COPZ2: variants seen among roughly 807,000 people sequenced by gnomAD.
COPZ2 encodes coatomer subunit zeta-2.
In COPZ2, 30 loss-of-function variants were observed where a neutral mutation model predicts 33.2. The observed-to-expected ratio is 0.90, with a 90% confidence interval of 0.68 to 1.23. COPZ2 has a LOEUF of 1.23. COPZ2 is among the 50% of genes most tolerant of loss of function. The pLI is 0.00. For missense variants in COPZ2, 263 were observed against 262.4 expected (o/e 1.00, Z -0.02); for synonymous variants, 89 against 102.6 (o/e 0.87, Z 0.80).
chr17:48,041,534 T>C (rs1292745724), upstream of COPZ2, among the ~76,000 whole-genome samples: 1 of 152,170 alleles, frequency 6.6e-6, no homozygotes, highest in East Asian at 1.9e-4. Context: ...AAGCAGGCCA[T>C]GCAGACATCT....
the COPZ2 span, chr17:48,043,503 A>C: frequency 1.0e-6 from 1 of 985,140 alleles, no homozygotes; most frequent in Non-Finnish European, 1.2e-6. Flanking sequence ...GAGGCGTGGA[A>C]GTGTGTACTG....
intron 4 of COPZ2, 77 bp from the exon 5 acceptor site, chr17:48,032,818 C>A: frequency 8.3e-7 from 1 of 1,200,714 alleles, no homozygotes; most frequent in Non-Finnish European, 1.2e-6. Context: ...TGGAGCCCAC[C>A]TGTGCGGGCA....
chr17:48,031,755 C>T (rs548357544), intron 6 of COPZ2: 53 of 225,586 alleles, frequency 2.3e-4, no homozygotes, highest in African/African-American at 1.2e-3. Flanking sequence ...GGTCACGCAT[C>T]TAGCTTGTGT....
intron 8 of COPZ2, chr17:48,027,890 CT>C (rs1194326179): frequency 6.6e-6 from 1 of 152,352 alleles, no homozygotes; most frequent in Non-Finnish European, 1.5e-5. Context: ...GAACCTCCCC[CT>C]GGCCTTACGC....
At chr17:48,030,646 C>A (rs1472575328) in intron 6 of COPZ2, among the ~76,000 whole-genome samples, 1 of 152,228 alleles carries the variant, frequency 6.6e-6, no homozygotes, top group African/African-American at 2.4e-5. Flanking sequence ...GTCCTGTAAT[C>A]CATAAAGAAA....
chr17:48,038,497 A>C (rs1567744551), upstream of COPZ2, among the ~76,000 whole-genome samples: 1 of 152,226 alleles, frequency 6.6e-6, no homozygotes, highest in Non-Finnish European at 1.5e-5. Flanking sequence ...TGGGAAATTC[A>C]CATCCCAGTG....
At chr17:48,030,702 G>A (rs931736599) in intron 6 of COPZ2, among the ~76,000 whole-genome samples, 2 of 152,260 alleles carry the variant, frequency 1.3e-5, no homozygotes, top group African/African-American at 2.4e-5. Flanking sequence ...CCTCCCGACT[G>A]GCGCTTCCCC....
In COPZ2 at chr17:48,033,287, A is replaced by G. The variant is rs1422894746; in HGVS notation, c.284T>C (p.Phe95Ser). 2 of 1,612,346 alleles carry G rather than the reference A, an allele frequency of 1.2e-6. No individual in the cohort carries two copies. Among genetic ancestry groups the G allele is most frequent in the African/African-American group, 1.3e-5 (1 of 74,986 alleles). The change falls in exon 4 of 9, where the codon TTT (phenylalanine) becomes TCT (serine). Residue 95 changes from phenylalanine to serine, a missense_variant. Phe to Ser is a radical substitution (Grantham distance 155). Transcript: ENST00000621465. The part of the protein sequence containing the change: ...TSRTESEIAF[F>S]GGMTIVYKNS... Reference sequence around the variant, plus strand: ...CTTGTAGACGATGGTCATACCCCCAAAAAATGCAATCTCACCTAGAAGTGG... The same window carrying G: ...CTTGTAGACGATGGTCATACCCCCAGAAAATGCAATCTCACCTAGAAGTGG...
At chr17:48,037,880 T>C, upstream of COPZ2, 1 of 971,524 alleles carries the variant, frequency 1.0e-6, no homozygotes, top group Non-Finnish European at 1.2e-6. The surrounding 1 kb of genome is among the most constrained non-coding windows in gnomAD (Gnocchi z 5.6). Context: ...TGGCCTCCCT[T>C]TCCTCGGGGC....
At chr17:48,043,199 A>C in the COPZ2 span, among the ~76,000 whole-genome samples, 1 of 152,298 alleles carries the variant, frequency 6.6e-6, no homozygotes, top group South Asian at 2.1e-4. Flanking sequence ...TGGGCTGTGC[A>C]CATCCCTACC....
the COPZ2 span, chr17:48,045,091 AGGACTACAG>A: frequency 1.3e-5 from 2 of 151,946 alleles, no homozygotes; most frequent in Non-Finnish European, 2.9e-5. Flanking sequence ...CCCACTAGCT[AGGACTACAG>A]GCATGAACCA....
chr17:48,028,342 C>T lies in COPZ2; in HGVS notation c.585+130G>A. On this transcript the variant is annotated intron_variant, in intron 8 of 8. Coordinates refer to ENST00000621465, the MANE Select transcript of COPZ2 (RefSeq NM_016429.4). The surrounding 1 kb of genome is among the most constrained non-coding windows in gnomAD (Gnocchi z 4.5). ...AAGATATGACCTGTCACTGCCTCAT[C>T]CCTTCCCTTCTCACCCCTGATTTTT... 1.1e-6 allele frequency: 1 copy of T among 915,850 alleles called. No individual in the cohort carries two copies. The allele number at this position is 915,850 out of a possible 1,614,324, so 56.7% of individuals were successfully genotyped here.
At position 48,037,651 on chromosome 17, in the gene COPZ2, C is replaced by G; in HGVS notation, c.111+16G>C. 3 of 1,091,446 alleles carry G rather than the reference C, an allele frequency of 2.7e-6. No individual in the cohort carries two copies. Among genetic ancestry groups the G allele is most frequent in the Non-Finnish European group, 3.3e-6 (3 of 898,554 alleles). The allele number at this position is 1,091,446 out of a possible 1,614,324, so 67.6% of individuals were successfully genotyped here. A position where few individuals can be genotyped will look rare whatever the true frequency, so the allele number is the denominator to read the frequency against. ...GCTCCCGCCGCCCGGGATCCCCGCG[C>G]CCGCCCGCTCCGTACCCGCAGCCCC... On this transcript the variant is annotated intron_variant, in intron 1 of 8. Transcript: ENST00000621465. The surrounding 1 kb of genome is among the most constrained non-coding windows in gnomAD (Gnocchi z 5.6).
In COPZ2 at chr17:48,033,269, A is replaced by G; in HGVS notation, c.302T>C (p.Val101Ala). The G allele has an allele frequency of 6.2e-7, 1 of 1,613,374 alleles. No homozygotes were observed. The highest frequency in any genetic ancestry group is 8.5e-7 in the Non-Finnish European group (1 of 1,179,596). ...EIAFFGGMTI[V>A]YKNSIDLFLY... ...GAAGAGGTCAATGCTGTTCTTGTAG[A>G]CGATGGTCATACCCCCAAAAAATGC... Residue 101 changes from valine to alanine, a missense_variant, in exon 4 of 9, where the codon GTC becomes GCC. Val to Ala is a moderately conservative substitution (Grantham distance 64). Transcript: ENST00000621465.
chr17:48,044,203 C>T, the COPZ2 span, among the ~76,000 whole-genome samples: 1 of 152,030 alleles, frequency 6.6e-6, no homozygotes, highest in Non-Finnish European at 1.5e-5. Flanking sequence ...AAAAATTAGC[C>T]AAGCGTGGTG....
At position 48,037,703 on chromosome 17, in the gene COPZ2, C is replaced by T. The variant is rs2037011437; in HGVS notation, c.75G>A (p.Ala25=). ...AGGGCTCCCCGGCTCGAGCAGGCGG[C>T]GCCGGGCCCCCGGCCTGGGCCGCCG... ...GAAAAQAGGP[A]PPARAGEPSG... is the part of the protein sequence containing the mutation. The change falls in exon 1 of 9, where the codon GCG becomes GCA. Residue 25 remains alanine, a synonymous_variant. Coordinates refer to ENST00000621465, the MANE Select transcript of COPZ2 (RefSeq NM_016429.4). This position sits in a 1 kb window ranked among gnomAD's most constrained non-coding sequence, Gnocchi z 5.6. 6 of 1,086,762 alleles carry T rather than the reference C, an allele frequency of 5.5e-6. No homozygotes were observed. Among genetic ancestry groups the T allele is most frequent in the Non-Finnish European group, 6.7e-6 (6 of 897,860 alleles). 67.3% of individuals were successfully genotyped at this position (1,086,762 alleles called of 1,614,324 possible).
chr17:48,037,015 C>A lies in COPZ2; in HGVS notation c.112-90G>T. The A allele has an allele frequency of 8.7e-7, 1 of 1,153,420 alleles. No homozygotes were observed. The highest frequency in any genetic ancestry group is 1.3e-6 in the Non-Finnish European group (1 of 768,088). 71.4% of individuals were successfully genotyped at this position (1,153,420 alleles called of 1,614,324 possible). ...ATCTGCTGGCCCTAGGATACATCCT[C>A]AGGCCCCAGCAACCCCAGTCCTCAA... On this transcript the variant is annotated intron_variant, in intron 1 of 8. Transcript: ENST00000621465. The surrounding 1 kb of genome is among the most constrained non-coding windows in gnomAD (Gnocchi z 5.6).
the COPZ2 span, chr17:48,043,516 G>T: frequency 3.0e-6 from 3 of 985,336 alleles, no homozygotes; most frequent in South Asian, 1.4e-4. Flanking sequence ...GTGTACTGGT[G>T]GCATCCTCTA....
the COPZ2 span, chr17:48,045,904 G>C: frequency 6.6e-6 from 1 of 152,216 alleles, no homozygotes; most frequent in Non-Finnish European, 1.5e-5. Context: ...GGTTTTACAA[G>C]GTTAATCAGC....
Sources: gnomAD v4.1 joint callset for allele counts (sites outside exome capture counted in the v4.1 genomes callset) on GRCh38, gnomAD v4.1.1 for gene constraint, Gnocchi (gnomAD v3.1) non-coding constraint, MANE v1.5 for transcripts, NCBI Gene and HGNC (gene_info 2026-07-23, HGNC 2026-07-21) for gene names.